COX7B2: variants seen among roughly 807,000 people sequenced by gnomAD.
COX7B2 encodes the protein cytochrome c oxidase subunit 7B2, mitochondrial.
For missense variants in COX7B2, 109 were observed against 95.9 expected, an observed-to-expected ratio of 1.14 and a Z score of -0.57; for synonymous variants, 37 against 32.1, an observed-to-expected ratio of 1.15 and a Z score of -0.51.
chr4:46,830,769 A>G (rs965175317), intron 2 of COX7B2, among the ~76,000 whole-genome samples: 4 of 152,234 alleles, frequency 2.6e-5, no homozygotes, highest in Non-Finnish European at 5.9e-5. Flanking sequence ...TAGTTTAGGA[A>G]CCTTGGCTGA....
At chr4:46,847,650 C>G (rs1294189072) in intron 1 of COX7B2, among the ~76,000 whole-genome samples, 1 of 151,924 alleles carries the variant, frequency 6.6e-6, no homozygotes, top group Non-Finnish European at 1.5e-5. Flanking sequence ...TAATGTAATT[C>G]CTGGGTTACT....
intron 1 of COX7B2, among the ~76,000 whole-genome samples, chr4:46,861,928 C>T (rs988454504): frequency 6.6e-6 from 1 of 152,184 alleles, no homozygotes; most frequent in Non-Finnish European, 1.5e-5. Context: ...AGACACCCCT[C>T]CCTGTTATCC....
chr4:46,843,078 T>C (rs1053899195), intron 2 of COX7B2, among the ~76,000 whole-genome samples: 4 of 152,218 alleles, frequency 2.6e-5, no homozygotes, highest in African/African-American at 9.6e-5. Context: ...TTCCTGACTT[T>C]TTAATGATCA....
intron 1 of COX7B2, among the ~76,000 whole-genome samples, chr4:46,886,298 A>G (rs1719078496): frequency 6.6e-6 from 1 of 152,194 alleles, no homozygotes; most frequent in Admixed American, 6.5e-5. Flanking sequence ...ACTTTTGAGT[A>G]CATGTGATAT....
At chr4:46,803,856 A>G (rs1437475388) in intron 2 of COX7B2, among the ~76,000 whole-genome samples, 1 of 151,614 alleles carries the variant, frequency 6.6e-6, no homozygotes, top group South Asian at 2.1e-4. Context: ...AGCTTTCTAG[A>G]GCAATCTTCT....
intron 2 of COX7B2, among the ~76,000 whole-genome samples, chr4:46,738,081 T>C (rs887587209): frequency 1.3e-5 from 2 of 152,290 alleles, no homozygotes; most frequent in African/African-American, 4.8e-5. Context: ...GGTCAGGGTA[T>C]GACAGGTGCA....
At chr4:46,895,648 GT>G (rs1202535425) in intron 1 of COX7B2, among the ~76,000 whole-genome samples, 1 of 151,916 alleles carries the variant, frequency 6.6e-6, no homozygotes, top group African/African-American at 2.4e-5. Flanking sequence ...TAAAATAAAA[GT>G]TTTTTTAAGT....
At chr4:46,872,944 G>C (rs1718087798) in intron 1 of COX7B2, among the ~76,000 whole-genome samples, 1 of 151,892 alleles carries the variant, frequency 6.6e-6, no homozygotes, top group Non-Finnish European at 1.5e-5. Context: ...CCTACATTAG[G>C]TATTTCTCCT....
chr4:46,908,098 G>T (rs567616960), intron 1 of COX7B2, among the ~76,000 whole-genome samples: 1 of 151,618 alleles, frequency 6.6e-6, no homozygotes, highest in Non-Finnish European at 1.5e-5. Flanking sequence ...TGATCCTCCC[G>T]CCTCGGCCTC....
intron 1 of COX7B2, among the ~76,000 whole-genome samples, chr4:46,866,944 T>A (rs1717701554): frequency 6.6e-6 from 1 of 152,190 alleles, no homozygotes; most frequent in African/African-American, 2.4e-5. Context: ...TGACTCCACC[T>A]ATATCCAGTC....
At chr4:46,791,689 C>T (rs965397882) in intron 2 of COX7B2, among the ~76,000 whole-genome samples, 1 of 152,188 alleles carries the variant, frequency 6.6e-6, no homozygotes, top group Non-Finnish European at 1.5e-5. Context: ...GCACTCTAAA[C>T]ACTAGCCCAG....
At chr4:46,891,076 C>G (rs1413091139) in intron 1 of COX7B2, among the ~76,000 whole-genome samples, 1 of 152,172 alleles carries the variant, frequency 6.6e-6, no homozygotes, top group Admixed American at 6.5e-5. Context: ...GTTGAACCAA[C>G]AGTTTTGCCG....
chr4:46,766,623 C>A (rs948637727), intron 2 of COX7B2, among the ~76,000 whole-genome samples: 1 of 151,316 alleles, frequency 6.6e-6, no homozygotes, highest in Non-Finnish European at 1.5e-5. Context: ...AATCTCTTGA[C>A]CCAGGAGGCA....
intron 2 of COX7B2, among the ~76,000 whole-genome samples, chr4:46,835,157 C>A (rs745614246): frequency 2.6e-5 from 4 of 152,038 alleles, no homozygotes; most frequent in Non-Finnish European, 5.9e-5. Context: ...TTATTACACA[C>A]TGCTGATGAG....
rs2109771822 is a variant in COX7B2, at chr4:46,848,154, C to A, written c.-104-3140G>T. 1.3e-5 allele frequency among the ~76,000 whole-genome samples: 2 copies of A among 152,130 alleles called. 1 individual carries two copies. Among genetic ancestry groups the A allele is most frequent in the South Asian group, 4.1e-4 (2 of 4,826 alleles). ...ATTCAGCCTTACTAGGCTCCTAAGA[C>A]CCAATTAGTGTCAGAGCTGTGCTAG... On this transcript the variant is annotated intron_variant, in intron 1 of 2. Coordinates refer to ENST00000355591, the MANE Select transcript of COX7B2 (RefSeq NM_130902.3).
intron 2 of COX7B2, among the ~76,000 whole-genome samples, chr4:46,745,120 T>A (rs750545827): frequency 6.6e-6 from 1 of 152,172 alleles, no homozygotes; most frequent in Non-Finnish European, 1.5e-5. Context: ...CTCAAGCCAG[T>A]AAGGGTCCAG....
At chr4:46,896,560 C>T (rs1315324741) in intron 1 of COX7B2, among the ~76,000 whole-genome samples, 1 of 151,946 alleles carries the variant, frequency 6.6e-6, no homozygotes, top group Non-Finnish European at 1.5e-5. Flanking sequence ...CTCACAGTTG[C>T]TCAGCCATTA....
chr4:46,906,193 C>G (rs1340539142), intron 1 of COX7B2, among the ~76,000 whole-genome samples: 2 of 152,184 alleles, frequency 1.3e-5, no homozygotes, highest in Non-Finnish European at 2.9e-5. Context: ...AATTGATAAG[C>G]TGGTGACCTG....
At chr4:46,787,175 C>T (rs763344526) in intron 2 of COX7B2, among the ~76,000 whole-genome samples, 3 of 152,130 alleles carry the variant, frequency 2.0e-5, no homozygotes, top group Non-Finnish European at 2.9e-5. Context: ...TAGGCAGGTG[C>T]GGTGGCTCAC....
Sources: allele counts gnomAD v4.1 joint callset (sites outside exome capture counted in the v4.1 genomes callset), GRCh38; gene constraint gnomAD v4.1.1; transcripts MANE v1.5; gene names NCBI Gene and HGNC (gene_info 2026-07-23, HGNC 2026-07-21).